ALK: variants seen among roughly 807,000 people sequenced by gnomAD.
The protein encoded by ALK is ALK tyrosine kinase receptor.
ALK carries 74 observed loss-of-function variants against 163.1 expected under a neutral mutation model. The observed-to-expected ratio is 0.45, with a 90% CI of 0.38 to 0.55. ALK has a LOEUF of 0.55. ALK is among the 20% of genes least tolerant of loss of function. The pLI is 0.00. For missense variants in ALK, 2,063 were observed against 2,105.3 expected, an observed-to-expected ratio of 0.98 and a Z score of 0.39; for synonymous variants, 960 against 843.2, an observed-to-expected ratio of 1.14 and a Z score of -2.40.
At chr2:29,437,546 C>T (rs1389949917) in intron 4 of ALK, among the ~76,000 whole-genome samples, 2 of 152,178 alleles carry the variant, frequency 1.3e-5, no homozygotes, top group East Asian at 3.9e-4. Context: ...CTTCTCTTGA[C>T]CAAAATGAGT....
chr2:29,799,432 C>T (rs1664405333), intron 1 of ALK, among the ~76,000 whole-genome samples: 1 of 152,010 alleles, frequency 6.6e-6, no homozygotes. Context: ...TTTAGGAGGC[C>T]AAGGCAGGAG....
chr2:29,199,486 A>G (rs1457334283), intron 26 of ALK, among the ~76,000 whole-genome samples: 1 of 152,186 alleles, frequency 6.6e-6, no homozygotes. Flanking sequence ...AAGGACCTAA[A>G]TTGATTTGCT....
intron 4 of ALK, among the ~76,000 whole-genome samples, chr2:29,397,078 TG>T (rs1260997234): frequency 3.3e-5 from 5 of 152,032 alleles, no homozygotes; most frequent in Non-Finnish European, 7.4e-5. Context: ...GCAGTATCAT[TG>T]TTTGAATTGT....
intron 3 of ALK, among the ~76,000 whole-genome samples, chr2:29,630,929 T>A (rs138581381): frequency 6.6e-6 from 1 of 152,220 alleles, no homozygotes; most frequent in Non-Finnish European, 1.5e-5. Context: ...TTAGCTGCGA[T>A]TTGTATAGCA....
Position 29,705,244 on chromosome 2 carries a change from T to C in ALK, c.788-10230A>G, listed in dbSNP as rs1483211351. On this transcript the variant is annotated intron_variant, in intron 2 of 28. Coordinates refer to ENST00000389048, the MANE Select transcript of ALK (RefSeq NM_004304.5). ...ACAAAAAAAGAAAAGAAAAGAAATA[T>C]ATATATATATATATATATATATATA... Among the ~76,000 whole-genome samples, 9 of 27,002 alleles carry C rather than the reference T, an allele frequency of 3.3e-4. No individual in the cohort carries two copies. The South Asian group carries it at 3.5e-3, about 10-fold the overall frequency. 17.7% of individuals were successfully genotyped at this position (27,002 alleles called of 152,430 possible). A position where few individuals can be genotyped will look rare whatever the true frequency, so the allele number is the denominator to read the frequency against.
intron 3 of ALK, among the ~76,000 whole-genome samples, chr2:29,614,568 A>T (rs1459820662): frequency 6.6e-6 from 1 of 152,224 alleles, no homozygotes; most frequent in East Asian, 1.9e-4. Context: ...ACCAAACATT[A>T]ATCAGGCTCA....
chr2:29,850,327 C>T (rs1378949221), intron 1 of ALK, among the ~76,000 whole-genome samples: 4 of 152,126 alleles, frequency 2.6e-5, no homozygotes, highest in African/African-American at 4.8e-5. Context: ...GGGGCACTTC[C>T]GGGTGCTGGG....
At chr2:29,340,410 TAGTG>T (rs1374381143) in intron 5 of ALK, among the ~76,000 whole-genome samples, 4 of 152,128 alleles carry the variant, frequency 2.6e-5, no homozygotes, top group African/African-American at 9.7e-5. Flanking sequence ...TGATCATGGG[TAGTG>T]GCCCCTTGAG....
chr2:29,436,777 C>T (rs1383778178), intron 4 of ALK, among the ~76,000 whole-genome samples: 2 of 152,144 alleles, frequency 1.3e-5, no homozygotes, highest in Non-Finnish European at 2.9e-5. Context: ...TTTAAACCTG[C>T]TTGATTAGCC....
intron 1 of ALK, among the ~76,000 whole-genome samples, chr2:29,829,652 G>C (rs1665307190): frequency 6.7e-6 from 1 of 148,362 alleles, no homozygotes; most frequent in Non-Finnish European, 1.5e-5. Flanking sequence ...TTTCACCTAA[G>C]GGGGGTAAAA....
intron 2 of ALK, among the ~76,000 whole-genome samples, chr2:29,696,041 C>T (rs1678549461): frequency 6.6e-6 from 1 of 152,184 alleles, no homozygotes; most frequent in Non-Finnish European, 1.5e-5. Flanking sequence ...TGGGTACATA[C>T]CCAAAGGTTT....
At chr2:29,257,325 T>C (rs1174962112) in intron 11 of ALK, among the ~76,000 whole-genome samples, 3 of 152,320 alleles carry the variant, frequency 2.0e-5, no homozygotes, top group African/African-American at 7.2e-5. Context: ...ATATCTAAAC[T>C]GTATAAAGAA....
At chr2:29,777,709 G>T (rs1681213333) in intron 1 of ALK, among the ~76,000 whole-genome samples, 1 of 152,200 alleles carries the variant, frequency 6.6e-6, no homozygotes, top group African/African-American at 2.4e-5. Context: ...TTCAAATGCA[G>T]ATTTGAACTC....
intron 9 of ALK, among the ~76,000 whole-genome samples, chr2:29,284,813 A>G (rs1181499982): frequency 6.6e-6 from 1 of 152,218 alleles, no homozygotes; most frequent in Non-Finnish European, 1.5e-5. Context: ...TTTGATTTCT[A>G]TATATCAATG....
chr2:29,677,425 A>G (rs907519022), intron 3 of ALK, among the ~76,000 whole-genome samples: 1 of 151,888 alleles, frequency 6.6e-6, no homozygotes, highest in Non-Finnish European at 1.5e-5. Flanking sequence ...GGTATTTCAC[A>G]GGTGCTCTTT....
chr2:29,637,118 C>A (rs1244029966), intron 3 of ALK, among the ~76,000 whole-genome samples: 2 of 152,152 alleles, frequency 1.3e-5, no homozygotes, highest in African/African-American at 4.8e-5. Flanking sequence ...GACATGTTCA[C>A]ACAAAAATCT....
intron 9 of ALK, among the ~76,000 whole-genome samples, chr2:29,283,265 C>T (rs953698224): frequency 5.3e-5 from 8 of 152,266 alleles, no homozygotes; most frequent in Non-Finnish European, 8.8e-5. Flanking sequence ...TCCAACTTGT[C>T]GAATCTCATT....
chr2:29,920,886 A>C lies in ALK; in HGVS notation c.-227T>G. The C allele has an allele frequency of 1.7e-6, 1 of 575,446 alleles. No individual in the cohort carries two copies. The highest frequency in any genetic ancestry group is 3.1e-6 in the Non-Finnish European group (1 of 322,918). The allele number at this position is 575,446 out of a possible 1,614,324, so 35.6% of individuals were successfully genotyped here. On this transcript the variant is annotated 5_prime_UTR_variant, in exon 1 of 29. Transcript: ENST00000389048. ...GAAGCTCAGGGGCGAGTCCAGAGAC[A>C]CTCAAGCACACTGGGCTCACTGGCT...
At chr2:29,898,667 A>G (rs1362137811) in intron 1 of ALK, among the ~76,000 whole-genome samples, 1 of 152,212 alleles carries the variant, frequency 6.6e-6, no homozygotes, top group Non-Finnish European at 1.5e-5. Context: ...CTCAGCTTCC[A>G]CTGAAAGACC....
Sources: allele counts gnomAD v4.1 joint callset (sites outside exome capture counted in the v4.1 genomes callset), GRCh38; gene constraint gnomAD v4.1.1; transcripts MANE v1.5; gene names NCBI Gene and HGNC (gene_info 2026-07-23, HGNC 2026-07-21).